Variants in SULT2B1 observed in about 807,000 individuals in gnomAD.
SULT2B1 encodes the protein sulfotransferase family 2B member 1.
A neutral mutation model predicts 33.2 loss-of-function variants in SULT2B1; 16 were observed. The ratio of observed to expected loss-of-function variants is 0.48; its 90% confidence interval spans 0.33 to 0.73. The LOEUF is 0.73. SULT2B1 is among the 30% of genes least tolerant of loss of function. The pLI is 0.02. For synonymous variants in SULT2B1, 186 were observed against 200.5 expected (o/e 0.93, Z 0.61); for missense variants, 500 against 506.0 (o/e 0.99, Z 0.11).
At chr19:48,583,737 G>C (rs549487325) in intron 2 of SULT2B1, among the ~76,000 whole-genome samples, 1 of 152,304 alleles carries the variant, frequency 6.6e-6, no homozygotes, top group African/African-American at 2.4e-5. Flanking sequence ...AGAATGGCTG[G>C]AACCCAGGAG....
chr19:48,589,524 C>A (rs1187065840), intron 3 of SULT2B1, among the ~76,000 whole-genome samples: 1 of 152,132 alleles, frequency 6.6e-6, no homozygotes. Flanking sequence ...AGGAATTGAG[C>A]GTGGACAGAG....
intron 1 of SULT2B1, among the ~76,000 whole-genome samples, chr19:48,563,161 C>A (rs182656877): frequency 2.6e-5 from 4 of 152,094 alleles, no homozygotes; most frequent in Admixed American, 6.6e-5. Flanking sequence ...GCCATTCTCC[C>A]GCCTTGGCTT....
chr19:48,576,660 T>C (rs1973416710), intron 2 of SULT2B1, among the ~76,000 whole-genome samples: 2 of 91,586 alleles, frequency 2.2e-5, no homozygotes, highest in Admixed American at 2.4e-4. Flanking sequence ...TTTTTTTTTT[T>C]TGGAGGTCTT....
At chr19:48,573,671 A>G (rs1973361536) in intron 1 of SULT2B1, among the ~76,000 whole-genome samples, 1 of 152,004 alleles carries the variant, frequency 6.6e-6, no homozygotes, top group African/African-American at 2.4e-5. Flanking sequence ...TGTGGCGTTC[A>G]TGGGGAAGGA....
chr19:48,552,419 C>A lies in SULT2B1; in HGVS notation c.71+96C>A. Reference sequence around the variant, plus strand: ...TGTGGCAAGGGTGGCCTCCAGCCACCCGCAGCCGCAGGCCTGGCCCAGACT... The same window carrying A: ...TGTGGCAAGGGTGGCCTCCAGCCACACGCAGCCGCAGGCCTGGCCCAGACT... On this transcript the variant is annotated intron_variant, in intron 1 of 6. Transcript: ENST00000201586. The surrounding 1 kb of genome is among the most constrained non-coding windows in gnomAD (Gnocchi z 4.8). The A allele has an allele frequency of 7.5e-7, 1 of 1,338,454 alleles. No homozygotes were observed. The highest frequency in any genetic ancestry group is 1.0e-6 in the Non-Finnish European group (1 of 967,790). The allele number at this position is 1,338,454 out of a possible 1,614,324, so 82.9% of individuals were successfully genotyped here.
At position 48,563,089 on chromosome 19, in the gene SULT2B1, A is replaced by AT. The variant is rs552799757; in HGVS notation, c.71+10772dup. On this transcript the variant is annotated intron_variant, in intron 1 of 6. Coordinates refer to ENST00000201586, the MANE Select transcript of SULT2B1 (RefSeq NM_177973.2). The stretch of plus-strand genomic sequence containing the variant: ...AAAATATAAAATTTTATTAAAATAG[A>AT]TTTTTTGTGGAGACAGGGTCTTGCT... Among the ~76,000 whole-genome samples, 705 of 152,120 alleles carry AT rather than the reference A, an allele frequency of 4.6e-3. 7 individuals are homozygous for AT. Among genetic ancestry groups the AT allele is most frequent in the Non-Finnish European group, 6.3e-3 (428 of 67,994 alleles).
intron 1 of SULT2B1, among the ~76,000 whole-genome samples, chr19:48,573,494 G>A (rs946007042): frequency 6.6e-6 from 1 of 152,122 alleles, no homozygotes; most frequent in Non-Finnish European, 1.5e-5. Flanking sequence ...TTAGGAATGC[G>A]AGAATGCAGC....
chr19:48,576,183 T>A, intron 2 of SULT2B1, 100 bp downstream of exon 2: 1 of 1,131,078 alleles, frequency 8.8e-7, no homozygotes, highest in Non-Finnish European at 1.3e-6. Flanking sequence ...GGAGGAAAAG[T>A]GGGGCCGGGT....
At position 48,596,777 on chromosome 19, in the gene SULT2B1, G is replaced by A. The variant is rs1361917534; in HGVS notation, c.684G>A (p.Leu228=). 2 of 1,608,394 alleles carry A rather than the reference G, an allele frequency of 1.2e-6. No individual in the cohort carries two copies. The highest frequency in any genetic ancestry group is 1.3e-5 in the African/African-American group (1 of 74,900). Residue 228 remains leucine, a synonymous_variant, in exon 6 of 7, where the codon CTG becomes CTA. Coordinates refer to ENST00000201586, the MANE Select transcript of SULT2B1 (RefSeq NM_177973.2). ...CCGTGGAGCGCATCTGTGGGTTCCTGGGCCGTCCGCTGGGCAAGGAGGCAC... is the reference window on the plus strand; with the variant it reads ...CCGTGGAGCGCATCTGTGGGTTCCTAGGCCGTCCGCTGGGCAAGGAGGCAC... ...QGSVERICGF[L]GRPLGKEALG...
In SULT2B1 at chr19:48,552,726, G is replaced by A. The variant is rs564111209; in HGVS notation, c.71+403G>A. On this transcript the variant is annotated intron_variant, in intron 1 of 6. Transcript: ENST00000201586. The surrounding 1 kb of genome is among the most constrained non-coding windows in gnomAD (Gnocchi z 4.8). ...CACCCCATGCAAGCCCTGAAATAAC[G>A]GGGGTGCTTGGGGGTGAAATGGGAG... Among the ~76,000 whole-genome samples, 3 of 152,230 alleles carry A rather than the reference G, an allele frequency of 2.0e-5. No individual in the cohort carries two copies. The highest frequency in any genetic ancestry group is 2.1e-4 in the South Asian group (1 of 4,828).
rs539308159 is a variant in SULT2B1, at chr19:48,559,551, G to T, written c.71+7228G>T. On this transcript the variant is annotated intron_variant, in intron 1 of 6. Transcript: ENST00000201586. Reference sequence around the variant, plus strand: ...ATGCCTAGCTAATTTTTGTATTTTTGATAAAGACAGGGTTTCGCCATGCTG... The same window carrying T: ...ATGCCTAGCTAATTTTTGTATTTTTTATAAAGACAGGGTTTCGCCATGCTG... 2.3e-3 allele frequency among the ~76,000 whole-genome samples: 352 copies of T among 152,026 alleles called. 2 individuals are homozygous for T. Among genetic ancestry groups the T allele is most frequent in the African/African-American group, 8.2e-3 (339 of 41,500 alleles).
At chr19:48,583,584 G>A (rs1259014389) in intron 2 of SULT2B1, among the ~76,000 whole-genome samples, 2 of 152,234 alleles carry the variant, frequency 1.3e-5, no homozygotes, top group African/African-American at 2.4e-5. Context: ...CTGGGAGGCC[G>A]AGGCGGGCGG....
chr19:48,595,147 T>C (rs1973693658), intron 5 of SULT2B1, among the ~76,000 whole-genome samples: 1 of 152,106 alleles, frequency 6.6e-6, no homozygotes, highest in Admixed American at 6.5e-5. Context: ...CCAGGCGTGG[T>C]GGCACATGCC....
At position 48,575,993 on chromosome 19, in the gene SULT2B1, G is replaced by A. The variant is rs145371861; in HGVS notation, c.124G>A (p.Gly42Ser). 1.9e-6 allele frequency: 3 copies of A among 1,613,900 alleles called. No homozygotes were observed. The highest frequency in any genetic ancestry group is 1.3e-5 in the African/African-American group (1 of 74,986). Residue 42 changes from glycine to serine, a missense_variant, in exon 2 of 7, where the codon GGC becomes AGC. Coordinates refer to ENST00000201586, the MANE Select transcript of SULT2B1 (RefSeq NM_177973.2). ...GTACAAGGGCGTCCCCTTCCCCGTCGGCCTGTACTCGCTCGAGAGCATCAG... is the reference window on the plus strand; with the variant it reads ...GTACAAGGGCGTCCCCTTCCCCGTCAGCCTGTACTCGCTCGAGAGCATCAG... ...FRYKGVPFPV[G>S]LYSLESISLA...
chr19:48,558,068 C>T (rs531321876), intron 1 of SULT2B1, among the ~76,000 whole-genome samples: 1 of 152,298 alleles, frequency 6.6e-6, no homozygotes, highest in Non-Finnish European at 1.5e-5. Flanking sequence ...CAGTTGTTCT[C>T]AACCTGTTGA....
intron 2 of SULT2B1, among the ~76,000 whole-genome samples, chr19:48,577,812 G>A (rs560022456): frequency 6.6e-6 from 1 of 152,312 alleles, no homozygotes; most frequent in Non-Finnish European, 1.5e-5. Flanking sequence ...TCTCCAGACA[G>A]ACTGAAATGT....
intron 2 of SULT2B1, among the ~76,000 whole-genome samples, chr19:48,581,746 C>T (rs1405387319): frequency 1.2e-4 from 18 of 150,300 alleles, no homozygotes; most frequent in Non-Finnish European, 7.4e-5. Context: ...CGTGAGCCAC[C>T]GTGCCCGGCC....
At chr19:48,555,289 A>C (rs1973083442) in intron 1 of SULT2B1, among the ~76,000 whole-genome samples, 1 of 151,920 alleles carries the variant, frequency 6.6e-6, no homozygotes, top group Non-Finnish European at 1.5e-5. Flanking sequence ...ACAGGATTTC[A>C]CCATGTTGGC....
intron 2 of SULT2B1, among the ~76,000 whole-genome samples, chr19:48,584,427 A>C (rs1007332957): frequency 4.3e-4 from 65 of 152,216 alleles, no homozygotes; most frequent in African/African-American, 1.5e-3. Context: ...AATCAGGAAG[A>C]GCCCCATCCT....
Sources: gnomAD v4.1 joint callset for allele counts (sites outside exome capture counted in the v4.1 genomes callset) on GRCh38, gnomAD v4.1.1 for gene constraint, Gnocchi (gnomAD v3.1) non-coding constraint, MANE v1.5 for transcripts, NCBI Gene and HGNC (gene_info 2026-07-23, HGNC 2026-07-21) for gene names.